Variants in CHST11 observed in about 807,000 individuals in gnomAD.
CHST11 encodes the protein C4S-1.
Under a neutral mutation model 30.4 loss-of-function variants are expected in CHST11, and 9 were observed. That is an observed-to-expected ratio of 0.30 (90% CI 0.18 to 0.52). CHST11 has a LOEUF of 0.52. Ranked by LOEUF, CHST11 falls within the 20% of genes least tolerant of loss-of-function variation. The pLI, the probability that CHST11 is intolerant of heterozygous loss-of-function variation, is 0.97. For synonymous variants in CHST11, 152 were observed against 187.8 expected (o/e 0.81, Z 1.56); for missense variants, 348 against 460.6 (o/e 0.76, Z 2.24).
At chr12:104,524,797 A>G (rs1195314346) in intron 1 of CHST11, among the ~76,000 whole-genome samples, 3 of 152,246 alleles carry the variant, frequency 2.0e-5, no homozygotes, top group African/African-American at 7.2e-5. Context: ...CAAGGAGCCT[A>G]CAGTCTGCGG....
intron 1 of CHST11, among the ~76,000 whole-genome samples, chr12:104,471,884 T>G (rs76174839): frequency 0.061 from 9,239 of 152,248 alleles, 686 homozygotes; most frequent in African/African-American, 0.17. Context: ...TACTGTAATG[T>G]ATAGTGTAGC....
intron 1 of CHST11, among the ~76,000 whole-genome samples, chr12:104,551,348 A>G (rs909728528): frequency 6.6e-6 from 1 of 152,162 alleles, no homozygotes; most frequent in African/African-American, 2.4e-5. Flanking sequence ...CGCTGACAGC[A>G]TCATTCCACC....
intron 1 of CHST11, among the ~76,000 whole-genome samples, chr12:104,496,402 G>A (rs994284391): frequency 2.0e-5 from 3 of 152,162 alleles, no homozygotes; most frequent in African/African-American, 7.2e-5. Context: ...CTAATAATGG[G>A]CCAGAGGCCT....
intron 1 of CHST11, among the ~76,000 whole-genome samples, chr12:104,489,356 A>G (rs1035040555): frequency 6.6e-6 from 1 of 151,308 alleles, no homozygotes; most frequent in African/African-American, 2.4e-5. Flanking sequence ...TCTTACAAGG[A>G]CACCAGTCAG....
chr12:104,597,749 T>C (rs1368373636), intron 1 of CHST11, among the ~76,000 whole-genome samples: 1 of 152,188 alleles, frequency 6.6e-6, no homozygotes, highest in African/African-American at 2.4e-5. Context: ...CATTAATTAA[T>C]AGTTTGCCAT....
chr12:104,743,637 G>A (rs1320193314), intron 2 of CHST11, among the ~76,000 whole-genome samples: 1 of 152,076 alleles, frequency 6.6e-6, no homozygotes, highest in African/African-American at 2.4e-5. Flanking sequence ...TTTAAGTTCA[G>A]GGGCACATAT....
chr12:104,457,252 G>C lies in CHST11; in HGVS notation c.-160G>C, dbSNP rs2037359241. The C allele has an allele frequency of 1.7e-6, 1 of 585,682 alleles. No individual in the cohort carries two copies. Among genetic ancestry groups the C allele is most frequent in the Non-Finnish European group, 3.0e-6 (1 of 328,214 alleles). 36.3% of individuals were successfully genotyped at this position (585,682 alleles called of 1,614,324 possible). On this transcript the variant is annotated 5_prime_UTR_variant, in exon 1 of 3. Coordinates refer to ENST00000303694, the MANE Select transcript of CHST11 (RefSeq NM_018413.6). ...CCTTCCACACCCCTGCCCGGGCTGG[G>C]GGCTCCGAGAGCGGCCGCGAAGCGA...
intron 2 of CHST11, among the ~76,000 whole-genome samples, chr12:104,657,244 G>T (rs1296833165): frequency 6.6e-6 from 1 of 152,054 alleles, no homozygotes; most frequent in East Asian, 1.9e-4. Flanking sequence ...CTCTGGGAGC[G>T]AAACAAAAAG....
intron 2 of CHST11, among the ~76,000 whole-genome samples, chr12:104,654,943 G>A (rs2039528958): frequency 6.6e-6 from 1 of 152,192 alleles, no homozygotes; most frequent in Admixed American, 6.5e-5. Context: ...CTGAATGAAA[G>A]AAACTTGAAG....
At chr12:104,465,908 G>A (rs946073846) in intron 1 of CHST11, among the ~76,000 whole-genome samples, 12 of 151,010 alleles carry the variant, frequency 7.9e-5, no homozygotes, top group East Asian at 1.9e-4. Flanking sequence ...TCACTCTGTC[G>A]CCCAGGCTGG....
At chr12:104,690,784 C>A (rs1339139162) in intron 2 of CHST11, among the ~76,000 whole-genome samples, 1 of 152,104 alleles carries the variant, frequency 6.6e-6, no homozygotes, top group Non-Finnish European at 1.5e-5. Context: ...GCCAGGATTG[C>A]ACCACTGCAC....
At chr12:104,633,181 G>C (rs1015910547) in intron 2 of CHST11, among the ~76,000 whole-genome samples, 6 of 152,176 alleles carry the variant, frequency 3.9e-5, no homozygotes, top group African/African-American at 1.2e-4. Flanking sequence ...ATATTCAGCT[G>C]CTCCTGGGTT....
At chr12:104,514,666 C>T (rs1475352378) in intron 1 of CHST11, among the ~76,000 whole-genome samples, 1 of 152,092 alleles carries the variant, frequency 6.6e-6, no homozygotes, top group African/African-American at 2.4e-5. Flanking sequence ...GAAAAACTGG[C>T]TTATCACATG....
At chr12:104,576,521 T>G (rs1307306508) in intron 1 of CHST11, among the ~76,000 whole-genome samples, 2 of 152,154 alleles carry the variant, frequency 1.3e-5, no homozygotes, top group Admixed American at 1.3e-4. Flanking sequence ...AAGGACTTGG[T>G]CAGGGGCCTC....
At chr12:104,587,454 G>C (rs1331230882) in intron 1 of CHST11, among the ~76,000 whole-genome samples, 3 of 152,164 alleles carry the variant, frequency 2.0e-5, no homozygotes, top group Non-Finnish European at 4.4e-5. Context: ...CTAGAGTGCA[G>C]TGGCAGGATC....
intron 2 of CHST11, among the ~76,000 whole-genome samples, chr12:104,620,325 T>C (rs1477450849): frequency 3.3e-5 from 5 of 152,124 alleles, no homozygotes; most frequent in African/African-American, 1.2e-4. Flanking sequence ...TGAAAAGAAG[T>C]GTGACTTCTT....
chr12:104,512,287 G>T (rs1384956276), intron 1 of CHST11, among the ~76,000 whole-genome samples: 1 of 152,180 alleles, frequency 6.6e-6, no homozygotes, highest in Non-Finnish European at 1.5e-5. Flanking sequence ...CGCTCTACAG[G>T]ATCCTTTGTG....
intron 2 of CHST11, among the ~76,000 whole-genome samples, chr12:104,673,647 A>G (rs1449530419): frequency 6.6e-6 from 1 of 152,238 alleles, no homozygotes; most frequent in Non-Finnish European, 1.5e-5. Flanking sequence ...CATCATTGGA[A>G]GCTACCCCAG....
intron 2 of CHST11, among the ~76,000 whole-genome samples, chr12:104,688,381 AAGG>A (rs2039868024): frequency 6.6e-6 from 1 of 152,096 alleles, no homozygotes; most frequent in African/African-American, 2.4e-5. Context: ...AGACCGAGGC[AAGG>A]AGAAGTAACT....
Sources: allele counts gnomAD v4.1 joint callset (sites outside exome capture counted in the v4.1 genomes callset), GRCh38; gene constraint gnomAD v4.1.1; transcripts MANE v1.5; gene names NCBI Gene and HGNC (gene_info 2026-07-23, HGNC 2026-07-21).